The following CTXND2 variants were observed in gnomAD, a reference collection of about 807,000 sequenced individuals.
CTXND2 encodes the protein cortexin domain containing 2.
rs147934580 is a variant in CTXND2 at position 150,897,536 on chromosome 1, C to T, written c.-74+10223C>T. ...ATGGGGTTTCTCCATGTTGCCTAGG[C>T]TGGTCTCAAACTCCAAGCTCAAGCG... On this transcript the variant is annotated intron_variant, in intron 1 of 1. Transcript: ENST00000636087. Among the ~76,000 whole-genome samples the T allele has an allele frequency of 9.9e-5, 15 of 152,216 alleles. No individual in the cohort carries two copies. In the East Asian group the frequency reaches 2.9e-3, roughly 29 times the overall value.
intron 1 of CTXND2, among the ~76,000 whole-genome samples, chr1:150,911,920 G>A (rs901070976): frequency 2.0e-5 from 3 of 152,152 alleles, no homozygotes; most frequent in Non-Finnish European, 4.4e-5. Context: ...TCTTAGAGGA[G>A]GATTTTGACT....
intron 1 of CTXND2, chr1:150,904,341 G>C (rs1669098671): frequency 5.9e-6 from 2 of 338,374 alleles, no homozygotes; most frequent in African/African-American, 4.3e-5. Context: ...TTGTCGGACA[G>C]TCCTGATTTA....
At chr1:150,899,630 A>T (rs1571600330) in intron 1 of CTXND2, among the ~76,000 whole-genome samples, 1 of 152,152 alleles carries the variant, frequency 6.6e-6, no homozygotes, top group Non-Finnish European at 1.5e-5. Context: ...TTAAATAAAA[A>T]TTTTTTGCAT....
intron 1 of CTXND2, chr1:150,904,283 C>T (rs1669098170): frequency 4.3e-6 from 2 of 460,140 alleles, no homozygotes; most frequent in East Asian, 1.1e-4. Flanking sequence ...CATACTTTAA[C>T]AGAGCTTATA....
chr1:150,912,538 A>G (rs192271882), exon 2 of CTXND2: 64 of 398,444 alleles, frequency 1.6e-4, no homozygotes, highest in Admixed American at 1.5e-3. Flanking sequence ...TCTGTTATAC[A>G]CACTTTATAT....
intron 1 of CTXND2, among the ~76,000 whole-genome samples, chr1:150,903,270 G>C (rs1669075375): frequency 6.6e-6 from 1 of 151,576 alleles, no homozygotes; most frequent in African/African-American, 2.4e-5. Flanking sequence ...TTATTGAGGG[G>C]TGGGGGTTGC....
intron 1 of CTXND2, among the ~76,000 whole-genome samples, chr1:150,888,217 TTA>T (rs200819926): frequency 0.34 from 50,485 of 146,354 alleles, 8,681 homozygotes; most frequent in South Asian, 0.52. Flanking sequence ...TTTACCTAAT[TTA>T]TTTTTTTTTT....
chr1:150,889,188 T>C (rs987194459), intron 1 of CTXND2, among the ~76,000 whole-genome samples: 1 of 151,916 alleles, frequency 6.6e-6, no homozygotes, highest in Admixed American at 6.6e-5. Context: ...AGCGGGCGGA[T>C]CACGAGGTCA....
chr1:150,903,826 G>A (rs1669087166), intron 1 of CTXND2: 1 of 465,148 alleles, frequency 2.1e-6, no homozygotes, highest in African/African-American at 2.0e-5. Flanking sequence ...TTGCCTTTAT[G>A]GAGAGAGTGG....
chr1:150,898,024 A>G (rs1228096264), intron 1 of CTXND2, among the ~76,000 whole-genome samples: 1 of 152,096 alleles, frequency 6.6e-6, no homozygotes, highest in Non-Finnish European at 1.5e-5. Context: ...CACCCATTAA[A>G]CCACTTTTCA....
intron 1 of CTXND2, among the ~76,000 whole-genome samples, chr1:150,911,669 G>T (rs1465649896): frequency 6.6e-6 from 1 of 151,960 alleles, no homozygotes; most frequent in Admixed American, 6.6e-5. Flanking sequence ...CTGACTTCTG[G>T]TGATCTACCT....
intron 1 of CTXND2, among the ~76,000 whole-genome samples, chr1:150,911,460 G>A (rs1669256526): frequency 6.6e-6 from 1 of 150,858 alleles, no homozygotes; most frequent in Admixed American, 6.6e-5. Flanking sequence ...TTTTGAGGTG[G>A]GGTCTCGCTC....
chr1:150,894,009 C>T (rs142649519), intron 1 of CTXND2, among the ~76,000 whole-genome samples: 39 of 150,874 alleles, frequency 2.6e-4, no homozygotes, highest in Admixed American at 6.6e-4. Context: ...GAGATGGGGG[C>T]GTCTCACTAT....
chr1:150,890,749 C>T (rs1557998028), intron 1 of CTXND2, among the ~76,000 whole-genome samples: 1 of 151,984 alleles, frequency 6.6e-6, no homozygotes, highest in African/African-American at 2.4e-5. Context: ...GTGATCCACC[C>T]GCCTCGGCAC....
chr1:150,904,540 A>G (rs1458601340), intron 1 of CTXND2, among the ~76,000 whole-genome samples: 1 of 152,216 alleles, frequency 6.6e-6, no homozygotes, highest in African/African-American at 2.4e-5. Context: ...TTTTATATTT[A>G]GATTTATATA....
chr1:150,901,265 G>A (rs1228813290), intron 1 of CTXND2, among the ~76,000 whole-genome samples: 1 of 152,168 alleles, frequency 6.6e-6, no homozygotes, highest in Non-Finnish European at 1.5e-5. Flanking sequence ...CAAATGGAAA[G>A]ATACACCATG....
At chr1:150,892,375 G>A (rs900680743) in intron 1 of CTXND2, among the ~76,000 whole-genome samples, 1 of 152,030 alleles carries the variant, frequency 6.6e-6, no homozygotes, top group East Asian at 1.9e-4. Flanking sequence ...TTCTGTAAAT[G>A]TGTGATTTGC....
At chr1:150,895,637 G>A (rs924931551) in intron 1 of CTXND2, among the ~76,000 whole-genome samples, 1 of 152,172 alleles carries the variant, frequency 6.6e-6, no homozygotes, top group Non-Finnish European at 1.5e-5. Context: ...GTGAGCCACT[G>A]CACCCGGCCA....
intron 1 of CTXND2, among the ~76,000 whole-genome samples, chr1:150,891,596 G>C (rs1227409944): frequency 4.6e-5 from 7 of 152,162 alleles, no homozygotes; most frequent in African/African-American, 1.7e-4. Context: ...TGATTACAAA[G>C]CTGAGTCCTG....
Sources: allele counts gnomAD v4.1 joint callset (sites outside exome capture counted in the v4.1 genomes callset), GRCh38; gene constraint gnomAD v4.1.1; transcripts MANE v1.5; gene names NCBI Gene and HGNC (gene_info 2026-07-23, HGNC 2026-07-21).